Variants in NDUFAB1 observed in about 807,000 individuals in gnomAD.
NDUFAB1 encodes the protein NADH:ubiquinone oxidoreductase subunit AB1.
Under a neutral mutation model 16.1 loss-of-function variants are expected in NDUFAB1, and 5 were observed. The observed-to-expected ratio is 0.31, with a 90% confidence interval of 0.16 to 0.65. NDUFAB1 has a LOEUF of 0.65. NDUFAB1 is among the 30% of genes least tolerant of loss of function. The pLI, the probability that NDUFAB1 is intolerant of heterozygous loss-of-function variation, is 0.77. For synonymous variants in NDUFAB1, 85 were observed against 78.4 expected (o/e 1.08, Z -0.44); for missense variants, 187 against 205.3 (o/e 0.91, Z 0.54).
Position 23,596,263 on chromosome 16 carries a change from C to G in NDUFAB1, c.28G>C (p.Val10Leu). 1 of 1,589,138 alleles carries G rather than the reference C, an allele frequency of 6.3e-7. No individual in the cohort carries two copies. Reference protein sequence around the residue: MASRVLSAYVSRLPAAFAPL... With the variant: MASRVLSAYLSRLPAAFAPL... Reference sequence around the variant, plus strand: ...GCAAAGGCCGCGGGCAGGCGGCTGACATAGGCTGAAAGGACACGAGACGCC... The same window carrying G: ...GCAAAGGCCGCGGGCAGGCGGCTGAGATAGGCTGAAAGGACACGAGACGCC... The change falls in exon 1 of 5, where the codon GTC (valine) becomes CTC (leucine). Residue 10 changes from valine (V) to leucine (L), a missense_variant. Val to Leu is a conservative substitution (Grantham distance 32). This residue lies in a region of NDUFAB1 where 135 missense variants were observed against 129.4 expected (regional missense o/e 1.04). Transcript: ENST00000007516.
chr16:23,595,691 G>A, intron 1 of NDUFAB1: 1 of 457,716 alleles, frequency 2.2e-6, no homozygotes, highest in Non-Finnish European at 4.3e-6. Context: ...TCTGGAGAAG[G>A]CTGTAGGCCA....
chr16:23,587,331 G>A lies in NDUFAB1; in HGVS notation c.169-12C>T. 1 of 1,612,262 alleles carries A rather than the reference G, an allele frequency of 6.2e-7. No individual in the cohort carries two copies. The highest frequency in any genetic ancestry group is 1.1e-5 in the South Asian group (1 of 90,662). ...ACTCTACCAGGAACCTAGAGCGACG[G>A]CAGGAAGGAAACACTGTCATTGAAT... On this transcript the variant is annotated splice_polypyrimidine_tract_variant and intron_variant, in intron 1 of 4. Transcript: ENST00000007516.
intron 1 of NDUFAB1, among the ~76,000 whole-genome samples, chr16:23,588,527 G>C (rs1966252546): frequency 6.6e-6 from 1 of 152,216 alleles, no homozygotes; most frequent in Non-Finnish European, 1.5e-5. Context: ...TTAAGTCCGA[G>C]GCTTGGCGTT....
At chr16:23,586,063 G>A (rs1035932533) in intron 2 of NDUFAB1, among the ~76,000 whole-genome samples, 3 of 151,816 alleles carry the variant, frequency 2.0e-5, no homozygotes, top group East Asian at 2.0e-4. Context: ...GAGTAGCTGG[G>A]ATTATAGGCG....
At chr16:23,585,305 C>T (rs749955055) in intron 3 of NDUFAB1, 31 bp downstream of exon 3, 52 of 1,480,328 alleles carry the variant, frequency 3.5e-5, no homozygotes, top group East Asian at 4.5e-5. Context: ...AATCAAAAAT[C>T]GCAGTGTGTA....
At chr16:23,592,705 GT>G (rs1007604066) in intron 1 of NDUFAB1, among the ~76,000 whole-genome samples, 2 of 152,004 alleles carry the variant, frequency 1.3e-5, no homozygotes, top group South Asian at 4.2e-4. Context: ...TTGTTTTTTT[GT>G]TTTTTCCTTA....
chr16:23,587,568 C>T (rs967878502), intron 1 of NDUFAB1, among the ~76,000 whole-genome samples: 7 of 152,240 alleles, frequency 4.6e-5, no homozygotes, highest in East Asian at 1.9e-4. Flanking sequence ...CTGGCTTCAA[C>T]CCTCAGGCTC....
At chr16:23,585,789 C>T (rs970344635) in intron 2 of NDUFAB1, among the ~76,000 whole-genome samples, 7 of 152,188 alleles carry the variant, frequency 4.6e-5, no homozygotes, top group African/African-American at 1.7e-4. Context: ...GTGACTACAT[C>T]GAATTTTTTT....
chr16:23,582,829 C>A (rs1597051781), intron 3 of NDUFAB1, among the ~76,000 whole-genome samples: 1 of 150,870 alleles, frequency 6.6e-6, no homozygotes, highest in African/African-American at 2.4e-5. Flanking sequence ...TCTCCCTCTC[C>A]CTCTCCCTCT....
chr16:23,584,599 T>C (rs1966217811), intron 3 of NDUFAB1, among the ~76,000 whole-genome samples: 1 of 152,116 alleles, frequency 6.6e-6, no homozygotes, highest in Non-Finnish European at 1.5e-5. Context: ...ATCCTGGGGT[T>C]CCTACTATTA....
At chr16:23,595,573 G>A in intron 1 of NDUFAB1, 1 of 456,026 alleles carries the variant, frequency 2.2e-6, no homozygotes, top group Non-Finnish European at 4.4e-6. Context: ...AATCCTTATT[G>A]GTCAAAGGTC....
chr16:23,584,441 G>C (rs1168336991), intron 3 of NDUFAB1, among the ~76,000 whole-genome samples: 1 of 150,920 alleles, frequency 6.6e-6, no homozygotes, highest in Non-Finnish European at 1.5e-5. Flanking sequence ...CTCAAGGTTC[G>C]TGTGCTGTAA....
At chr16:23,591,405 G>A (rs1966278258) in intron 1 of NDUFAB1, among the ~76,000 whole-genome samples, 1 of 152,184 alleles carries the variant, frequency 6.6e-6, no homozygotes, top group Non-Finnish European at 1.5e-5. Flanking sequence ...ACTTCTGCCT[G>A]AGGCAAACTC....
chr16:23,582,409 T>TAA lies in NDUFAB1; in HGVS notation c.380-36_380-35dup, dbSNP rs369134902. 1.4e-4 allele frequency: 166 copies of TAA among 1,228,272 alleles called. No individual in the cohort carries two copies. In the African/African-American group the frequency reaches 1.5e-3, roughly 11 times the overall value. 76.1% of individuals were successfully genotyped at this position (1,228,272 alleles called of 1,614,324 possible). ...AAAATATACAACAATGTGAGAGAGT[T>TAA]AAAAAAAAAAAATCCTTTAGAACTG... On this transcript the variant is annotated intron_variant, in intron 3 of 4. Coordinates refer to ENST00000007516, the MANE Select transcript of NDUFAB1 (RefSeq NM_005003.3).
intron 3 of NDUFAB1, among the ~76,000 whole-genome samples, chr16:23,584,254 T>TAAAAAAAAAAAAAAAAAAAAAAAAAAAA: frequency 8.3e-5 from 1 of 12,120 alleles, no homozygotes; most frequent in Non-Finnish European, 2.3e-4. Flanking sequence ...GAATGATCAA[T>TAAAAAAAAAAAAAAAAAAAAAAAAAAAA]TAAAAAAAAA....
chr16:23,585,062 T>C (rs1409757689), intron 3 of NDUFAB1, among the ~76,000 whole-genome samples: 2 of 152,210 alleles, frequency 1.3e-5, no homozygotes, highest in African/African-American at 4.8e-5. Flanking sequence ...GTCTGAAGAA[T>C]CAGTCCCCTG....
chr16:23,596,183 G>A lies in NDUFAB1; in HGVS notation c.108C>T (p.Leu36=). Residue 36 remains leucine (L), a synonymous_variant, in exon 1 of 5, where the codon CTC becomes CTT. Coordinates refer to ENST00000007516, the MANE Select transcript of NDUFAB1 (RefSeq NM_005003.3). ...GCCTCGTCTGGGTCCCCGCGGAGCA[G>A]AGAGCGGTGCTGAGAGGCCGGGCCA... The part of the protein sequence containing the change: ...LAVARPLSTA[L]CSAGTQTRLG... 1 of 1,611,006 alleles carries A rather than the reference G, an allele frequency of 6.2e-7. No individual in the cohort carries two copies. The highest frequency in any genetic ancestry group is 8.5e-7 in the Non-Finnish European group (1 of 1,179,000).
intron 1 of NDUFAB1, among the ~76,000 whole-genome samples, chr16:23,595,200 C>T (rs1426629892): frequency 6.6e-6 from 1 of 151,938 alleles, no homozygotes; most frequent in Non-Finnish European, 1.5e-5. Flanking sequence ...TGCCGTTAGC[C>T]GGAGGTTGCA....
chr16:23,586,862 G>C (rs913675608), intron 2 of NDUFAB1, among the ~76,000 whole-genome samples: 7 of 149,214 alleles, frequency 4.7e-5, no homozygotes, highest in African/African-American at 1.5e-4. Flanking sequence ...TAGTCAGGCT[G>C]GTCTTGAATT....
Sources: allele counts gnomAD v4.1 joint callset (sites outside exome capture counted in the v4.1 genomes callset), GRCh38; gene constraint gnomAD v4.1.1; regional missense constraint gnomAD v4.1.1; transcripts MANE v1.5; gene names NCBI Gene and HGNC (gene_info 2026-07-23, HGNC 2026-07-21).